ADAMTS6: variants seen among roughly 807,000 people sequenced by gnomAD.
ADAMTS6 encodes the protein A disintegrin and metalloproteinase with thrombospondin motifs 6.
ADAMTS6 carries 23 observed loss-of-function variants against 144.3 expected under a neutral mutation model. The observed-to-expected ratio is 0.16, with a 90% CI of 0.11 to 0.23. The LOEUF is 0.23. Among genes scored for constraint, ADAMTS6 ranks in the 10% least tolerant of loss-of-function variants. The pLI is 1.00. For missense variants in ADAMTS6, 999 were observed against 1,379.6 expected (o/e 0.72, Z 4.37); for synonymous variants, 444 against 457.5 (o/e 0.97, Z 0.38).
chr5:65,204,606 C>G (rs575155246), intron 20 of ADAMTS6, among the ~76,000 whole-genome samples: 32 of 152,282 alleles, frequency 2.1e-4, no homozygotes, highest in South Asian at 4.1e-4. Flanking sequence ...ATGGTTAATG[C>G]AGTGACAGAC....
intron 15 of ADAMTS6, among the ~76,000 whole-genome samples, chr5:65,237,057 A>C (rs1035925250): frequency 2.0e-5 from 3 of 152,024 alleles, no homozygotes; most frequent in Non-Finnish European, 4.4e-5. Context: ...AATAAACTGG[A>C]CCACATGGAT....
chr5:65,424,985 ATTTT>A (rs971269065), intron 7 of ADAMTS6, among the ~76,000 whole-genome samples: 3 of 151,464 alleles, frequency 2.0e-5, no homozygotes, highest in Non-Finnish European at 4.4e-5. Flanking sequence ...ATATACACAG[ATTTT>A]TTGTTTGTTT....
At chr5:65,275,466 GAGAA>G (rs149798134) in intron 11 of ADAMTS6, among the ~76,000 whole-genome samples, 2,667 of 151,068 alleles carry the variant, frequency 0.018, 92 homozygotes, top group African/African-American at 0.061. Flanking sequence ...AAGAAAGAAA[GAGAA>G]AGAAAGGGAT....
intron 7 of ADAMTS6, among the ~76,000 whole-genome samples, chr5:65,383,782 G>A (rs1288344167): frequency 6.6e-6 from 1 of 152,028 alleles, no homozygotes; most frequent in Non-Finnish European, 1.5e-5. Context: ...CCCTAGTGGG[G>A]GCCCTCTATG....
rs757091199 is a variant in ADAMTS6, at chr5:65,197,111, G to A, written c.2616C>T (p.Asp872=). 1.2e-6 allele frequency: 2 copies of A among 1,613,882 alleles called. No individual in the cohort carries two copies. Among genetic ancestry groups the A allele is most frequent in the Non-Finnish European group, 1.7e-6 (2 of 1,179,842 alleles). ...AGTAATTGTTCTGGACAATGGAGTT[G>A]TCATCCAACCTTTTACAGACCACCT... The part of the protein sequence containing the change: ...RQEVVCKRLD[D]NSIVQNNYCD... The change falls in exon 21 of 25, where the codon GAC becomes GAT. Residue 872 remains aspartate, a synonymous_variant. Coordinates refer to ENST00000381055, the MANE Select transcript of ADAMTS6 (RefSeq NM_197941.4).
intron 7 of ADAMTS6, among the ~76,000 whole-genome samples, chr5:65,354,255 T>C (rs558255704): frequency 6.6e-6 from 1 of 152,034 alleles, no homozygotes; most frequent in Non-Finnish European, 1.5e-5. Context: ...TGATTTCTAC[T>C]GCTTCTGTGT....
At chr5:65,334,185 T>A in intron 7 of ADAMTS6, 100 bp from the exon 8 acceptor site, 1 of 1,296,034 alleles carries the variant, frequency 7.7e-7, no homozygotes, top group Non-Finnish European at 1.1e-6. Context: ...AGACCACAAT[T>A]AATGCAATTA....
At chr5:65,196,262 C>T (rs2112220036) in intron 21 of ADAMTS6, among the ~76,000 whole-genome samples, 1 of 152,126 alleles carries the variant, frequency 6.6e-6, no homozygotes, top group South Asian at 2.1e-4. Context: ...CTTGGCTGGG[C>T]ACGGTGGCTC....
intron 7 of ADAMTS6, among the ~76,000 whole-genome samples, chr5:65,352,442 A>T (rs1443566970): frequency 2.6e-5 from 4 of 152,102 alleles, no homozygotes; most frequent in Non-Finnish European, 1.5e-5. Flanking sequence ...TGGCTAAGCT[A>T]CTCAACTATG....
chr5:65,221,213 T>A (rs1281267888), intron 18 of ADAMTS6, among the ~76,000 whole-genome samples: 1 of 152,104 alleles, frequency 6.6e-6, no homozygotes, highest in Non-Finnish European at 1.5e-5. Flanking sequence ...TAGAAAAATA[T>A]CTCTCATGAA....
chr5:65,183,782 A>T (rs1398133662), intron 22 of ADAMTS6, among the ~76,000 whole-genome samples: 1 of 152,240 alleles, frequency 6.6e-6, no homozygotes, highest in African/African-American at 2.4e-5. Flanking sequence ...AGAGATAATC[A>T]TTAGCCTATA....
At chr5:65,308,868 C>A (rs939554741) in intron 9 of ADAMTS6, among the ~76,000 whole-genome samples, 1 of 152,130 alleles carries the variant, frequency 6.6e-6, no homozygotes, top group African/African-American at 2.4e-5. Flanking sequence ...GGGCCAAAAT[C>A]ATTTTGAAGA....
intron 14 of ADAMTS6, among the ~76,000 whole-genome samples, chr5:65,242,461 A>G (rs1010818903): frequency 6.6e-6 from 1 of 152,218 alleles, no homozygotes; most frequent in Non-Finnish European, 1.5e-5. Context: ...AGTTGGATAC[A>G]TGTCATAATC....
intron 10 of ADAMTS6, among the ~76,000 whole-genome samples, chr5:65,293,276 TA>T (rs1460919807): frequency 6.6e-6 from 1 of 151,984 alleles, no homozygotes; most frequent in Non-Finnish European, 1.5e-5. Flanking sequence ...AAATATGTAA[TA>T]AAAATAAAAT....
chr5:65,475,630 G>A (rs1760796586), intron 1 of ADAMTS6, among the ~76,000 whole-genome samples: 1 of 152,146 alleles, frequency 6.6e-6, no homozygotes, highest in African/African-American at 2.4e-5. Context: ...ATAGATCCCG[G>A]AAGACGAATA....
At chr5:65,362,823 C>A (rs1008030741) in intron 7 of ADAMTS6, among the ~76,000 whole-genome samples, 4 of 152,094 alleles carry the variant, frequency 2.6e-5, no homozygotes, top group African/African-American at 9.7e-5. Flanking sequence ...TTCATAAATG[C>A]AATCAAATAG....
At chr5:65,299,933 C>A in intron 10 of ADAMTS6, 52 bp downstream of exon 10, 2 of 1,572,292 alleles carry the variant, frequency 1.3e-6, no homozygotes, top group South Asian at 1.2e-5. Context: ...TAGGCTTCTA[C>A]CAGTGGCTTA....
intron 7 of ADAMTS6, among the ~76,000 whole-genome samples, chr5:65,362,231 G>A (rs1749897238): frequency 6.6e-6 from 1 of 152,164 alleles, no homozygotes; most frequent in Admixed American, 6.5e-5. Context: ...AGCCTGTCAG[G>A]CGATGTGAAT....
rs554413738 is a variant in ADAMTS6, at chr5:65,286,280, T to C, written c.1512+5049A>G. ...TCTATTAATGGTCAATTTTAGGTCA[T>C]AGTAATAGTTTATGGTGAACAGATT... On this transcript the variant is annotated intron_variant, in intron 11 of 24. Transcript: ENST00000381055. 5.9e-5 allele frequency among the ~76,000 whole-genome samples: 9 copies of C among 152,350 alleles called. No homozygotes were observed. The South Asian group carries it at 1.2e-3, about 21-fold the overall frequency.
Sources: gnomAD v4.1 joint callset for allele counts (sites outside exome capture counted in the v4.1 genomes callset) on GRCh38, gnomAD v4.1.1 for gene constraint, MANE v1.5 for transcripts, NCBI Gene and HGNC (gene_info 2026-07-23, HGNC 2026-07-21) for gene names.